The following EYA4 variants were observed in gnomAD, a reference collection of about 807,000 sequenced individuals.
EYA4 encodes EYA transcriptional coactivator and phosphatase 4.
Under a neutral mutation model 87.9 loss-of-function variants are expected in EYA4, and 31 were observed. The observed-to-expected ratio is 0.35, with a 90% CI of 0.27 to 0.48. EYA4 has a LOEUF of 0.48. Ranked by LOEUF, EYA4 falls within the 20% of genes least tolerant of loss-of-function variation. EYA4 has a pLI of 0.99. For missense variants in EYA4, 678 were observed against 761.4 expected, an observed-to-expected ratio of 0.89 and a Z score of 1.29; for synonymous variants, 263 against 270.6, an observed-to-expected ratio of 0.97 and a Z score of 0.28.
intron 2 of EYA4, among the ~76,000 whole-genome samples, chr6:133,344,026 C>T (rs1360284734): frequency 1.3e-5 from 2 of 152,108 alleles, no homozygotes; most frequent in Non-Finnish European, 2.9e-5. Context: ...TTTGTCATAT[C>T]TGATTTAAAA....
rs71003632 is a variant in EYA4 at position 133,294,062 on chromosome 6, T to TATATATATATATATATATATATAAAA, written c.33+19250_33+19251insTATATATATATATATATATATAAAAA. ...ATATATATATATATATATATATATA[T>TATATATATATATATATATATATAAAA]AATTCTATTCTATATATAACATTCT... On this transcript the variant is annotated intron_variant, in intron 2 of 19. Coordinates refer to ENST00000355286, the MANE Select transcript of EYA4 (RefSeq NM_004100.5). 2.2e-3 allele frequency among the ~76,000 whole-genome samples: 235 copies of TATATATATATATATATATATATAAAA among 105,036 alleles called. 12 individuals carry two copies. Among genetic ancestry groups the TATATATATATATATATATATATAAAA allele is most frequent in the Non-Finnish European group, 3.4e-3 (164 of 48,384 alleles). 68.9% of individuals were successfully genotyped at this position (105,036 alleles called of 152,430 possible).
At chr6:133,265,125 T>A (rs976783165) in intron 1 of EYA4, among the ~76,000 whole-genome samples, 1 of 152,180 alleles carries the variant, frequency 6.6e-6, no homozygotes, top group Non-Finnish European at 1.5e-5. Flanking sequence ...GTTGAATTTG[T>A]AATTCTAATT....
At chr6:133,246,933 C>T (rs956854638) in intron 1 of EYA4, 3 of 152,154 alleles carry the variant, frequency 2.0e-5, no homozygotes, top group Non-Finnish European at 4.4e-5. Flanking sequence ...ATGAGGCCAG[C>T]ACCCTTATCC....
chr6:133,296,937 C>T (rs917209259), intron 2 of EYA4, among the ~76,000 whole-genome samples: 1 of 152,032 alleles, frequency 6.6e-6, no homozygotes, highest in African/African-American at 2.4e-5. Flanking sequence ...TGTTAAATTT[C>T]CCACTGTGAT....
chr6:133,463,354 C>CT (rs571663764), intron 9 of EYA4, among the ~76,000 whole-genome samples: 5,079 of 115,218 alleles, frequency 0.044, 280 homozygotes, highest in African/African-American at 0.11. Flanking sequence ...TGTGTTTTAT[C>CT]TTTTTTTTTT....
chr6:133,363,777 A>G (rs561859835), intron 2 of EYA4, among the ~76,000 whole-genome samples: 81 of 152,158 alleles, frequency 5.3e-4, no homozygotes, highest in African/African-American at 1.9e-3. Context: ...GCCCGGCGAG[A>G]CCTTGTAACT....
intron 1 of EYA4, among the ~76,000 whole-genome samples, chr6:133,272,139 G>T (rs906510148): frequency 6.6e-6 from 1 of 152,182 alleles, no homozygotes; most frequent in Admixed American, 6.5e-5. Flanking sequence ...TCCCTTCAGC[G>T]CTGTCCTTCA....
At chr6:133,426,987 CT>C (rs968271711) in intron 3 of EYA4, among the ~76,000 whole-genome samples, 1 of 152,168 alleles carries the variant, frequency 6.6e-6, no homozygotes, top group African/African-American at 2.4e-5. Flanking sequence ...ATTTTCCCCC[CT>C]ACCCTATACT....
chr6:133,436,224 A>G (rs1036883457), intron 3 of EYA4, among the ~76,000 whole-genome samples: 3 of 133,928 alleles, frequency 2.2e-5, no homozygotes, highest in African/African-American at 9.3e-5. Context: ...CGTCTTGAGG[A>G]AAAAAAAAAA....
chr6:133,305,656 G>A (rs1454375103), intron 2 of EYA4, among the ~76,000 whole-genome samples: 1 of 152,106 alleles, frequency 6.6e-6, no homozygotes, highest in Non-Finnish European at 1.5e-5. Flanking sequence ...TTCATGGTGA[G>A]TTAGCATTGT....
At chr6:133,342,231 A>G (rs1782837496) in intron 2 of EYA4, among the ~76,000 whole-genome samples, 1 of 151,526 alleles carries the variant, frequency 6.6e-6, no homozygotes, top group South Asian at 2.1e-4. Flanking sequence ...GGCTGGTGCC[A>G]TGGAAGCATT....
Position 133,274,702 on chromosome 6 carries a change from T to G in EYA4, c.-65-14T>G. 8.3e-7 allele frequency: 1 copy of G among 1,198,328 alleles called. No individual in the cohort carries two copies. The highest frequency in any genetic ancestry group is 1.7e-5 in the Admixed American group (1 of 58,828). The allele number at this position is 1,198,328 out of a possible 1,614,324, so 74.2% of individuals were successfully genotyped here. A position where few individuals can be genotyped will look rare whatever the true frequency, so the allele number is the denominator to read the frequency against. On this transcript the variant is annotated splice_polypyrimidine_tract_variant and intron_variant, in intron 1 of 19. Transcript: ENST00000355286. ...ATAACATTTTTCCCCTTTGTTTCCA[T>G]CTTCTTGTTTTAGATAGTCATTTTT...
chr6:133,240,964 G>A (rs1157934816), upstream of EYA4: 2 of 152,034 alleles, frequency 1.3e-5, no homozygotes, highest in African/African-American at 4.8e-5. Context: ...GTGGCTCTCC[G>A]GCCCAGGGAG....
chr6:133,352,298 A>G (rs180741403), intron 2 of EYA4, among the ~76,000 whole-genome samples: 75 of 152,334 alleles, frequency 4.9e-4, no homozygotes, highest in African/African-American at 1.8e-3. Flanking sequence ...TAACGTCACA[A>G]TTCATTGGCT....
At chr6:133,242,185 AC>A (rs1774005098) in intron 1 of EYA4, among the ~76,000 whole-genome samples, 1 of 151,690 alleles carries the variant, frequency 6.6e-6, no homozygotes. Context: ...CTTTCTGATG[AC>A]CCCCTAGATG....
intron 2 of EYA4, among the ~76,000 whole-genome samples, chr6:133,349,975 C>T (rs555074330): frequency 2.6e-5 from 4 of 152,010 alleles, no homozygotes; most frequent in African/African-American, 7.3e-5. Flanking sequence ...TTTAAAATGT[C>T]GTCAGAAAAG....
intron 11 of EYA4, among the ~76,000 whole-genome samples, chr6:133,474,597 A>G (rs1417821570): frequency 6.6e-6 from 1 of 152,126 alleles, no homozygotes; most frequent in East Asian, 1.9e-4. Flanking sequence ...TTATAACTAT[A>G]TTATTCTCTC....
chr6:133,526,942 A>G (rs1317570853), intron 19 of EYA4, among the ~76,000 whole-genome samples: 1 of 152,160 alleles, frequency 6.6e-6, no homozygotes, highest in Non-Finnish European at 1.5e-5. Context: ...AGTTTTCCAA[A>G]CCAGTAACAC....
At chr6:133,430,206 A>G (rs893160690) in intron 3 of EYA4, among the ~76,000 whole-genome samples, 33 of 152,222 alleles carry the variant, frequency 2.2e-4, no homozygotes, top group African/African-American at 8.0e-4. Flanking sequence ...TGCAGCCAAA[A>G]CATAATGGAA....
Sources: allele counts gnomAD v4.1 joint callset (sites outside exome capture counted in the v4.1 genomes callset), GRCh38; gene constraint gnomAD v4.1.1; transcripts MANE v1.5; gene names NCBI Gene and HGNC (gene_info 2026-07-23, HGNC 2026-07-21).